Variants in FAT3 observed in about 807,000 individuals in gnomAD.
FAT3 encodes the protein protocadherin Fat 3.
Under a neutral mutation model 310.2 loss-of-function variants are expected in FAT3, and 95 were observed. The observed-to-expected ratio is 0.31, with a 90% CI of 0.26 to 0.36. FAT3 has a LOEUF of 0.36. FAT3 is among the 10% of genes least tolerant of loss of function. FAT3 has a pLI of 1.00. For missense variants in FAT3, 5,408 were observed against 5,715.6 expected, an observed-to-expected ratio of 0.95 and a Z score of 1.74; for synonymous variants, 2,314 against 2,192.9, an observed-to-expected ratio of 1.06 and a Z score of -1.54.
At chr11:92,366,022 T>C (rs1949011815) in intron 2 of FAT3, among the ~76,000 whole-genome samples, 1 of 151,704 alleles carries the variant, frequency 6.6e-6, no homozygotes, top group South Asian at 2.1e-4. Context: ...GAGGAAGGAG[T>C]TGTTTGTCAC....
At chr11:92,664,633 A>T (rs1942895983) in intron 3 of FAT3, among the ~76,000 whole-genome samples, 1 of 152,222 alleles carries the variant, frequency 6.6e-6, no homozygotes, top group African/African-American at 2.4e-5. Flanking sequence ...GAGATCATTT[A>T]TGACTCTTTA....
At chr11:92,291,530 C>G (rs892115370) in intron 1 of FAT3, among the ~76,000 whole-genome samples, 9 of 150,696 alleles carry the variant, frequency 6.0e-5, no homozygotes, top group Non-Finnish European at 1.0e-4. Context: ...GAAAGAGGAG[C>G]CCAGAGTCTC....
chr11:92,886,902 GC>G, intron 24 of FAT3, 97 bp from the exon 25 acceptor site: 1 of 902,402 alleles, frequency 1.1e-6, no homozygotes, highest in Non-Finnish European at 1.7e-6. Flanking sequence ...AAATGAAAGT[GC>G]CTCGAGAAGT....
intron 3 of FAT3, among the ~76,000 whole-genome samples, chr11:92,528,731 G>A (rs1039907763): frequency 6.6e-6 from 1 of 152,196 alleles, no homozygotes; most frequent in Non-Finnish European, 1.5e-5. Context: ...TGGTCATCCA[G>A]GCTGAAGTGG....
intron 1 of FAT3, among the ~76,000 whole-genome samples, chr11:92,321,099 G>C (rs1021622147): frequency 6.6e-6 from 1 of 152,026 alleles, no homozygotes; most frequent in Non-Finnish European, 1.5e-5. Context: ...CATGAAATAA[G>C]ATAACTCTTT....
intron 2 of FAT3, among the ~76,000 whole-genome samples, chr11:92,425,520 A>T (rs969751303): frequency 7.9e-5 from 12 of 152,028 alleles, no homozygotes; most frequent in African/African-American, 2.7e-4. Context: ...TATTTTTCCT[A>T]ATGCTATCCC....
At chr11:92,488,412 T>G (rs1198671305) in intron 2 of FAT3, among the ~76,000 whole-genome samples, 2 of 134,906 alleles carry the variant, frequency 1.5e-5, no homozygotes, top group African/African-American at 5.3e-5. Flanking sequence ...CTGCTAATTT[T>G]GTAGCAATTT....
chr11:92,346,759 G>A (rs1179005115), intron 1 of FAT3, among the ~76,000 whole-genome samples: 4 of 152,078 alleles, frequency 2.6e-5, no homozygotes, highest in African/African-American at 9.7e-5. Flanking sequence ...GCCACTAGAT[G>A]GCAAGTCCTG....
intron 4 of FAT3, among the ~76,000 whole-genome samples, chr11:92,700,300 G>A (rs1291098195): frequency 6.6e-6 from 1 of 152,168 alleles, no homozygotes; most frequent in Non-Finnish European, 1.5e-5. Context: ...TTATAGGAAA[G>A]CAGATTGGAA....
chr11:92,524,123 C>G (rs1228428385), intron 2 of FAT3, among the ~76,000 whole-genome samples: 1 of 152,066 alleles, frequency 6.6e-6, no homozygotes, highest in African/African-American at 2.4e-5. Context: ...ATTTTCCACT[C>G]TAACAGGCAA....
In FAT3 at chr11:92,890,952, T is replaced by C. The variant is rs1949905663; in HGVS notation, c.13609T>C (p.Ser4537Pro). 2 of 1,613,940 alleles carry C rather than the reference T, an allele frequency of 1.2e-6. No homozygotes were observed. The highest frequency in any genetic ancestry group is 2.7e-5 in the African/African-American group (2 of 75,034). The change falls in exon 28 of 28, where the codon TCC (serine) becomes CCC (proline). Residue 4537 changes from serine to proline, a missense_variant. Transcript: ENST00000525166. ...PTGPADSVSL[S>P]LHNSRGTSSS... is the part of the protein sequence containing the mutation. Reference sequence around the variant, plus strand: ...AGGCCCAGCAGACAGCGTGTCTCTGTCCTTGCACAATTCCAGAGGCACCTC... The same window carrying C: ...AGGCCCAGCAGACAGCGTGTCTCTGCCCTTGCACAATTCCAGAGGCACCTC...
chr11:92,480,397 A>G (rs894911322), intron 2 of FAT3, among the ~76,000 whole-genome samples: 1 of 152,228 alleles, frequency 6.6e-6, no homozygotes, highest in Non-Finnish European at 1.5e-5. Context: ...AAATTATGGA[A>G]GAAACATATA....
intron 2 of FAT3, among the ~76,000 whole-genome samples, chr11:92,466,645 A>G (rs931755386): frequency 1.3e-5 from 2 of 151,086 alleles, no homozygotes; most frequent in South Asian, 2.1e-4. Context: ...GGTTAATTAC[A>G]TATGTATACA....
intron 7 of FAT3, among the ~76,000 whole-genome samples, chr11:92,785,009 TAAGAAC>T (rs1946851048): frequency 6.6e-6 from 1 of 151,692 alleles, no homozygotes. Context: ...ACAGTGGAGA[TAAGAAC>T]AATACCCAAA....
chr11:92,331,942 G>T (rs1407568308), intron 1 of FAT3, among the ~76,000 whole-genome samples: 1 of 152,106 alleles, frequency 6.6e-6, no homozygotes, highest in Non-Finnish European at 1.5e-5. Flanking sequence ...TCAGTTTAGG[G>T]TTCCTTATCA....
intron 21 of FAT3, among the ~76,000 whole-genome samples, chr11:92,859,564 G>A (rs1591823256): frequency 1.3e-5 from 2 of 152,266 alleles, no homozygotes; most frequent in African/African-American, 4.8e-5. Flanking sequence ...GGGTTCAAGG[G>A]CTGGCTTCCT....
chr11:92,331,264 A>G (rs1947916492), intron 1 of FAT3, among the ~76,000 whole-genome samples: 1 of 151,452 alleles, frequency 6.6e-6, no homozygotes, highest in South Asian at 2.1e-4. Flanking sequence ...AATGCAGTGC[A>G]TATAAGGTAT....
intron 2 of FAT3, among the ~76,000 whole-genome samples, chr11:92,449,723 T>C (rs1423052597): frequency 6.6e-6 from 1 of 152,180 alleles, no homozygotes; most frequent in East Asian, 1.9e-4. Context: ...TACCTTATGC[T>C]GAATTGGGGC....
intron 1 of FAT3, among the ~76,000 whole-genome samples, chr11:92,324,699 G>A (rs952701037): frequency 2.6e-5 from 4 of 152,172 alleles, no homozygotes; most frequent in Admixed American, 1.3e-4. Context: ...GAAAAATGGC[G>A]CCGATAGACT....
Sources: allele counts gnomAD v4.1 joint callset (sites outside exome capture counted in the v4.1 genomes callset), GRCh38; gene constraint gnomAD v4.1.1; transcripts MANE v1.5; gene names NCBI Gene and HGNC (gene_info 2026-07-23, HGNC 2026-07-21).